The following CNTNAP5 variants were observed in gnomAD, a reference collection of about 807,000 sequenced individuals.
The protein encoded by CNTNAP5 is contactin associated protein family member 5.
CNTNAP5 carries 72 observed loss-of-function variants against 150.2 expected under a neutral mutation model. That is an observed-to-expected ratio of 0.48 (90% CI 0.40 to 0.58). The LOEUF (loss-of-function observed/expected upper bound fraction) is 0.58, where lower values mean the gene tolerates loss of function less well. Among genes scored for constraint, CNTNAP5 ranks in the 20% least tolerant of loss-of-function variants. The probability of loss-of-function intolerance (pLI) is 0.00; values close to 1 mark genes in which losing one functional copy is unlikely to be tolerated. For synonymous variants in CNTNAP5, 672 were observed against 619.8 expected (o/e 1.08, Z -1.25); for missense variants, 1,636 against 1,626.2 (o/e 1.01, Z -0.10).
At chr2:124,086,040 T>C (rs546892722) in intron 1 of CNTNAP5, among the ~76,000 whole-genome samples, 4 of 152,288 alleles carry the variant, frequency 2.6e-5, no homozygotes, top group African/African-American at 9.6e-5. Flanking sequence ...TGTCTCCTTG[T>C]TGTATCAATC....
chr2:124,779,702 T>C (rs1164145508), intron 17 of CNTNAP5, among the ~76,000 whole-genome samples: 8 of 152,204 alleles, frequency 5.3e-5, no homozygotes, highest in African/African-American at 1.9e-4. Context: ...ATGGTTTTGC[T>C]TCATTACCCT....
intron 1 of CNTNAP5, among the ~76,000 whole-genome samples, chr2:124,148,429 G>T (rs149155597): frequency 2.8e-5 from 4 of 144,576 alleles, no homozygotes; most frequent in African/African-American, 1.0e-4. Context: ...TGGTGGTTTT[G>T]TTTCCTGCCG....
intron 3 of CNTNAP5, among the ~76,000 whole-genome samples, chr2:124,343,681 C>T (rs886984021): frequency 6.6e-6 from 1 of 152,114 alleles, no homozygotes; most frequent in African/African-American, 2.4e-5. Flanking sequence ...ATCAAAAGAC[C>T]TAACATGACA....
chr2:124,629,355 A>T (rs1269234996), intron 12 of CNTNAP5, among the ~76,000 whole-genome samples: 2 of 152,190 alleles, frequency 1.3e-5, no homozygotes, highest in African/African-American at 4.8e-5. Flanking sequence ...AATTATAACA[A>T]ACAATCTCTC....
chr2:124,227,435 A>G (rs1686487626), intron 2 of CNTNAP5, among the ~76,000 whole-genome samples: 1 of 152,080 alleles, frequency 6.6e-6, no homozygotes, highest in Non-Finnish European at 1.5e-5. Flanking sequence ...TCCCTCACAT[A>G]CACACTCACA....
At chr2:124,441,049 T>C (rs1692661657) in intron 5 of CNTNAP5, among the ~76,000 whole-genome samples, 1 of 152,124 alleles carries the variant, frequency 6.6e-6, no homozygotes, top group Non-Finnish European at 1.5e-5. Flanking sequence ...TTCTCATAAA[T>C]ACAATTCTAA....
In CNTNAP5 at chr2:124,255,576, AAATAAAATAATAAT is replaced by A. The variant is rs1573870093; in HGVS notation, c.381+13184_381+13197del. The stretch of plus-strand genomic sequence containing the variant: ...AAATAAAATAAAATAAAATAAAATA[AAATAAAATAATAAT>A]TTTTTTTTAAAAAGTAAATAAAAGC... On this transcript the variant is annotated intron_variant, in intron 3 of 23. Coordinates refer to ENST00000682447, the MANE Select transcript of CNTNAP5 (RefSeq NM_001367498.1). Among the ~76,000 whole-genome samples, 8 of 50,172 alleles carry A rather than the reference AAATAAAATAATAAT, an allele frequency of 1.6e-4. No homozygotes were observed. In the South Asian group the frequency reaches 6.8e-3, roughly 43 times the overall value. 32.9% of individuals were successfully genotyped at this position (50,172 alleles called of 152,430 possible).
rs57164051 is a variant in CNTNAP5, at chr2:124,902,818, C to T, written c.3437-64C>T. 4.6e-3 allele frequency: 5,220 copies of T among 1,134,292 alleles called. 184 individuals carry two copies. In the African/African-American group the frequency reaches 0.07, roughly 15 times the overall value. 70.3% of individuals were successfully genotyped at this position (1,134,292 alleles called of 1,614,324 possible). On this transcript the variant is annotated intron_variant, in intron 21 of 23. Transcript: ENST00000682447. The stretch of plus-strand genomic sequence containing the variant: ...AATTTTAGATACTACTCAAAGAGGA[C>T]CCAGCATATAATTTGGAAAAAACAA...
chr2:124,051,106 G>T (rs1348849461), intron 1 of CNTNAP5, among the ~76,000 whole-genome samples: 3 of 152,120 alleles, frequency 2.0e-5, no homozygotes, highest in Non-Finnish European at 2.9e-5. Context: ...ATGTGACAAA[G>T]TGTTTCTTGG....
At chr2:124,563,069 G>T in intron 10 of CNTNAP5, 148 bp from the exon 11 acceptor site, 2 of 597,240 alleles carry the variant, frequency 3.3e-6, no homozygotes, top group Non-Finnish European at 6.0e-6. Context: ...ATACTATTTT[G>T]ATGTCATTCA....
chr2:124,792,647 C>T (rs1681758658), intron 18 of CNTNAP5, among the ~76,000 whole-genome samples: 2 of 152,228 alleles, frequency 1.3e-5, no homozygotes, highest in Admixed American at 1.3e-4. Context: ...TTCATCATCT[C>T]AAAAAGAAAT....
At chr2:124,144,101 C>T (rs1238145241) in intron 1 of CNTNAP5, among the ~76,000 whole-genome samples, 1 of 131,304 alleles carries the variant, frequency 7.6e-6, no homozygotes, top group Non-Finnish European at 1.6e-5. Flanking sequence ...TGAAGGACCT[C>T]TTCAAGGAGA....
chr2:124,391,730 C>A (rs913507292), intron 3 of CNTNAP5, among the ~76,000 whole-genome samples: 6 of 152,094 alleles, frequency 3.9e-5, no homozygotes, highest in Non-Finnish European at 8.8e-5. Context: ...CCGAGGCGGG[C>A]GGATCACGAG....
chr2:124,309,558 A>G (rs886435454), intron 3 of CNTNAP5, among the ~76,000 whole-genome samples: 4 of 152,202 alleles, frequency 2.6e-5, no homozygotes, highest in African/African-American at 9.7e-5. Flanking sequence ...ATAATTTCCC[A>G]ACTTAATAAA....
intron 3 of CNTNAP5, among the ~76,000 whole-genome samples, chr2:124,370,156 C>T (rs1192637672): frequency 6.6e-6 from 1 of 152,118 alleles, no homozygotes; most frequent in Non-Finnish European, 1.5e-5. Context: ...GGGATTCAAA[C>T]AATTATCAAG....
At position 124,425,306 on chromosome 2, in the gene CNTNAP5, C is replaced by A. The variant is rs1487267334; in HGVS notation, c.529+7716C>A. Among the ~76,000 whole-genome samples the A allele has an allele frequency of 5.3e-5, 8 of 152,170 alleles. No individual in the cohort carries two copies. The East Asian group carries it at 1.3e-3, about 26-fold the overall frequency. ...CTACCGTAAGGGAGAAAAATAATAA[C>A]TATCGTCTCTAATTTTGACATTGCT... On this transcript the variant is annotated intron_variant, in intron 4 of 23. Coordinates refer to ENST00000682447, the MANE Select transcript of CNTNAP5 (RefSeq NM_001367498.1).
intron 6 of CNTNAP5, among the ~76,000 whole-genome samples, chr2:124,469,425 C>A (rs527594512): frequency 6.6e-6 from 1 of 151,976 alleles, no homozygotes; most frequent in East Asian, 1.9e-4. Context: ...AAGTAGCCAA[C>A]ACAAAATACA....
At chr2:124,660,909 A>G (rs1211259309) in intron 13 of CNTNAP5, among the ~76,000 whole-genome samples, 1 of 147,778 alleles carries the variant, frequency 6.8e-6, no homozygotes, top group Non-Finnish European at 1.5e-5. Flanking sequence ...TTGCCACTGC[A>G]CTCCAGTCTG....
chr2:124,848,369 G>T (rs1308115868), intron 19 of CNTNAP5, among the ~76,000 whole-genome samples: 1 of 151,904 alleles, frequency 6.6e-6, no homozygotes, highest in African/African-American at 2.4e-5. Context: ...TATTTCCTGT[G>T]GCTAAATAAT....
Sources: allele counts gnomAD v4.1 joint callset (sites outside exome capture counted in the v4.1 genomes callset), GRCh38; gene constraint gnomAD v4.1.1; transcripts MANE v1.5; gene names NCBI Gene and HGNC (gene_info 2026-07-23, HGNC 2026-07-21).